ROCK2: variants seen among roughly 807,000 people sequenced by gnomAD.
The protein encoded by ROCK2 is rho-associated protein kinase 2.
A neutral mutation model predicts 195.1 loss-of-function variants in ROCK2; 61 were observed. The ratio of observed to expected loss-of-function variants is 0.31; its 90% CI spans 0.25 to 0.39. ROCK2 has a LOEUF of 0.39. ROCK2 is among the 10% of genes least tolerant of loss of function. ROCK2 has a pLI of 1.00. For synonymous variants in ROCK2, 504 were observed against 545.5 expected, an observed-to-expected ratio of 0.92 and a Z score of 1.06; for missense variants, 1,109 against 1,637.4, an observed-to-expected ratio of 0.68 and a Z score of 5.57.
At position 11,330,413 on chromosome 2, in the gene ROCK2, T is replaced by C. The variant is rs78111655; in HGVS notation, c.141+13583A>G. On this transcript the variant is annotated intron_variant, in intron 1 of 32. Transcript: ENST00000315872. ...ATAACTCTAAAACAACAAAGTTATC[T>C]GAAAAAGGTGATACATTTTTCAAAA... 7.8e-3 allele frequency among the ~76,000 whole-genome samples: 1,192 copies of C among 152,294 alleles called. 6 individuals carry two copies. Among genetic ancestry groups the C allele is most frequent in the Non-Finnish European group, 0.013 (862 of 68,012 alleles).
intron 1 of ROCK2, among the ~76,000 whole-genome samples, chr2:11,293,204 C>T (rs1053095159): frequency 3.9e-5 from 6 of 152,172 alleles, no homozygotes; most frequent in African/African-American, 1.4e-4. Context: ...CACGGTTCTG[C>T]CATTTAGTGG....
At chr2:11,202,494 A>T (rs11691429) in intron 20 of ROCK2, among the ~76,000 whole-genome samples, 60,940 of 149,946 alleles carry the variant, frequency 0.41, 13,586 homozygotes, top group Admixed American at 0.52. Context: ...TAATAATAAT[A>T]ATTATTATTA....
chr2:11,251,967 A>ACC (rs1433651664), intron 3 of ROCK2, among the ~76,000 whole-genome samples: 1 of 152,210 alleles, frequency 6.6e-6, no homozygotes, highest in African/African-American at 2.4e-5. Context: ...ATGAGATACC[A>ACC]CCTCATGCCA....
chr2:11,302,360 C>T (rs567605394), intron 1 of ROCK2, among the ~76,000 whole-genome samples: 12 of 151,738 alleles, frequency 7.9e-5, no homozygotes, highest in African/African-American at 7.3e-5. Context: ...CACTCTGTCG[C>T]CCAGGCTGGA....
At chr2:11,236,076 C>A in intron 4 of ROCK2, 114 bp from the exon 5 acceptor site, 3 of 962,870 alleles carry the variant, frequency 3.1e-6, no homozygotes, top group Non-Finnish European at 4.3e-6. Flanking sequence ...TATTTTATAA[C>A]CAAAACTAAA....
intron 4 of ROCK2, among the ~76,000 whole-genome samples, chr2:11,241,407 G>A (rs1665425245): frequency 6.6e-6 from 1 of 152,160 alleles, no homozygotes; most frequent in South Asian, 2.1e-4. Flanking sequence ...AGGGGCTTAG[G>A]AGACAGAAGC....
At position 11,200,967 on chromosome 2, in the gene ROCK2, G is replaced by A. The variant is rs202027620; in HGVS notation, c.2900C>T (p.Thr967Ile). ...AAGAATTTGACTTACAGAAGCAATT[G>A]TAGCATCTTTTTCCGTAAGTTCCTG... ...HKQELTEKDA[T>I]IASLEETNRT... Residue 967 changes from threonine (T) to isoleucine (I), a missense_variant, in exon 23 of 33, where the codon ACA (threonine) becomes ATA (isoleucine). Transcript: ENST00000315872. 83 of 1,595,966 alleles carry A rather than the reference G, an allele frequency of 5.2e-5. No individual in the cohort carries two copies. In the East Asian group the frequency reaches 1.8e-3, roughly 35 times the overall value.
intron 1 of ROCK2, among the ~76,000 whole-genome samples, chr2:11,311,987 C>A (rs1668050419): frequency 6.6e-6 from 1 of 152,176 alleles, no homozygotes; most frequent in African/African-American, 2.4e-5. Flanking sequence ...ACAAATACAA[C>A]ATATCACAAC....
intron 17 of ROCK2, 61 bp downstream of exon 17, chr2:11,214,296 C>T (rs1234251059): frequency 1.1e-6 from 1 of 937,472 alleles, no homozygotes; most frequent in Admixed American, 2.3e-5. Flanking sequence ...TTTAGAATAA[C>T]TTTTCTAACC....
intron 3 of ROCK2, among the ~76,000 whole-genome samples, chr2:11,275,264 A>G (rs1572347147): frequency 1.4e-5 from 1 of 70,134 alleles, no homozygotes; most frequent in Non-Finnish European, 3.2e-5. Flanking sequence ...TGTCAAAAAA[A>G]AAAAAAAAAG....
rs200710083 is a variant in ROCK2, at chr2:11,202,141, A to G, written c.2550-20T>C. On this transcript the variant is annotated intron_variant, in intron 20 of 32. Transcript: ENST00000315872. ...CGTTCTCTGTGAGGACAATGAATCA[A>G]AGGTTTAAATAACTTACACATATTT... The G allele has an allele frequency of 5.6e-6, 9 of 1,597,550 alleles. No individual in the cohort carries two copies. In the East Asian group the frequency reaches 1.8e-4, roughly 32 times the overall value.
chr2:11,244,371 T>C (rs1022046434), intron 4 of ROCK2, among the ~76,000 whole-genome samples: 2 of 152,228 alleles, frequency 1.3e-5, no homozygotes, highest in Non-Finnish European at 2.9e-5. Context: ...TTGGTAATTG[T>C]TGAAGCTGGG....
chr2:11,309,081 A>T, intron 1 of ROCK2: 1 of 1,265,090 alleles, frequency 7.9e-7, no homozygotes, highest in Non-Finnish European at 1.1e-6. Flanking sequence ...GTCCAATGCA[A>T]AGCTGTACCA....
At chr2:11,315,739 A>T (rs536989967) in intron 1 of ROCK2, among the ~76,000 whole-genome samples, 16 of 152,280 alleles carry the variant, frequency 1.1e-4, no homozygotes, top group African/African-American at 3.8e-4. Flanking sequence ...CAAGCTTCAC[A>T]GGGATTAAAG....
At chr2:11,298,912 G>A (rs1366487305) in intron 1 of ROCK2, among the ~76,000 whole-genome samples, 1 of 152,034 alleles carries the variant, frequency 6.6e-6, no homozygotes, top group Non-Finnish European at 1.5e-5. Flanking sequence ...TATCACTATA[G>A]TTATTATAAA....
At chr2:11,314,556 C>T (rs570230510) in intron 1 of ROCK2, among the ~76,000 whole-genome samples, 1 of 151,980 alleles carries the variant, frequency 6.6e-6, no homozygotes, top group South Asian at 2.1e-4. Flanking sequence ...GGAAAAAAAC[C>T]CCAACTATAC....
intron 3 of ROCK2, among the ~76,000 whole-genome samples, chr2:11,265,771 A>T (rs1237540578): frequency 6.6e-6 from 1 of 152,174 alleles, no homozygotes; most frequent in African/African-American, 2.4e-5. Context: ...GTCACTTAAC[A>T]TTTTTCTTAG....
chr2:11,306,398 A>G (rs1463723839), intron 1 of ROCK2, among the ~76,000 whole-genome samples: 4 of 152,156 alleles, frequency 2.6e-5, no homozygotes, highest in Non-Finnish European at 4.4e-5. Context: ...ATTTCGCATT[A>G]TCTTTGTTTT....
intron 4 of ROCK2, among the ~76,000 whole-genome samples, chr2:11,239,279 C>A (rs936806210): frequency 1.4e-4 from 21 of 152,060 alleles, no homozygotes; most frequent in African/African-American, 5.1e-4. Context: ...AGAAGATGAA[C>A]CACAGGTTGG....
Sources: gnomAD v4.1 joint callset for allele counts (sites outside exome capture counted in the v4.1 genomes callset) on GRCh38, gnomAD v4.1.1 for gene constraint, MANE v1.5 for transcripts, NCBI Gene and HGNC (gene_info 2026-07-23, HGNC 2026-07-21) for gene names.